The following FHIT variants were observed in gnomAD, a reference collection of about 807,000 sequenced individuals.
The protein encoded by FHIT is fragile histidine triad diadenosine triphosphatase, also known as bis(5'-adenosyl)-triphosphatase.
A neutral mutation model predicts 17.9 loss-of-function variants in FHIT; 19 were observed. That is an observed-to-expected ratio of 1.06 (90% CI 0.74 to 1.56). The LOEUF (loss-of-function observed/expected upper bound fraction) is 1.56. Among genes scored for constraint, FHIT ranks in the 40% most tolerant of loss-of-function variants. FHIT has a pLI of 0.00. For missense variants in FHIT, 248 were observed against 189.2 expected (o/e 1.31, Z -1.82); for synonymous variants, 81 against 69.7 (o/e 1.16, Z -0.81).
At chr3:60,926,827 G>GA (rs1460998395) in intron 3 of FHIT, among the ~76,000 whole-genome samples, 1 of 152,086 alleles carries the variant, frequency 6.6e-6, no homozygotes, top group Non-Finnish European at 1.5e-5. Flanking sequence ...TAAAGAAGAA[G>GA]AGAGAGAAGA....
intron 5 of FHIT, among the ~76,000 whole-genome samples, chr3:60,529,947 A>G (rs1040286990): frequency 1.9e-5 from 2 of 106,076 alleles, no homozygotes; most frequent in Non-Finnish European, 4.2e-5. Context: ...GTAAAGATAC[A>G]CATTTCTGGT....
chr3:59,879,922 C>G (rs1703332501), intron 8 of FHIT, among the ~76,000 whole-genome samples: 1 of 110,562 alleles, frequency 9.0e-6, no homozygotes. Context: ...TTCCCCCACC[C>G]CCCCCCCCCC....
At chr3:59,948,211 A>G (rs557466669) in intron 7 of FHIT, among the ~76,000 whole-genome samples, 1 of 152,064 alleles carries the variant, frequency 6.6e-6, no homozygotes, top group Non-Finnish European at 1.5e-5. Flanking sequence ...TTTGGTTTTT[A>G]AGAAATCACT....
At chr3:60,317,920 A>G (rs1189281002) in intron 5 of FHIT, among the ~76,000 whole-genome samples, 2 of 151,720 alleles carry the variant, frequency 1.3e-5, no homozygotes, top group African/African-American at 4.8e-5. Context: ...CCTCCCTAGT[A>G]GCTGGGACTA....
intron 5 of FHIT, among the ~76,000 whole-genome samples, chr3:60,234,888 T>G (rs760426806): frequency 6.6e-5 from 10 of 152,134 alleles, no homozygotes; most frequent in Non-Finnish European, 1.3e-4. Flanking sequence ...AGATGTTGTT[T>G]AATAATGATG....
intron 4 of FHIT, among the ~76,000 whole-genome samples, chr3:60,548,214 A>G (rs1290665782): frequency 1.8e-4 from 28 of 152,092 alleles, no homozygotes; most frequent in Admixed American, 1.8e-3. Context: ...ACTTGGGAAT[A>G]TAAGACTTCA....
chr3:59,909,207 T>C (rs1704743826), intron 8 of FHIT, among the ~76,000 whole-genome samples: 1 of 151,948 alleles, frequency 6.6e-6, no homozygotes, highest in Admixed American at 6.6e-5. Context: ...TAATTTTTTG[T>C]ATTTTTAGTA....
intron 4 of FHIT, among the ~76,000 whole-genome samples, chr3:60,555,485 G>C (rs1359436340): frequency 6.6e-6 from 1 of 152,124 alleles, no homozygotes; most frequent in Non-Finnish European, 1.5e-5. Flanking sequence ...CTCCATTCAA[G>C]GTAATTTTGC....
chr3:60,350,083 A>G (rs530813574), intron 5 of FHIT, among the ~76,000 whole-genome samples: 55 of 152,314 alleles, frequency 3.6e-4, no homozygotes, highest in African/African-American at 1.3e-3. Flanking sequence ...GTTCTGCAGA[A>G]ATAAAATTAA....
intron 2 of FHIT, among the ~76,000 whole-genome samples, chr3:61,137,795 C>G (rs908328227): frequency 2.6e-5 from 4 of 152,194 alleles, no homozygotes; most frequent in African/African-American, 9.6e-5. Context: ...AGAAAGCCTA[C>G]AGAATCAAGG....
At chr3:60,375,291 G>C (rs1033684531) in intron 5 of FHIT, among the ~76,000 whole-genome samples, 7 of 151,902 alleles carry the variant, frequency 4.6e-5, no homozygotes, top group Non-Finnish European at 8.8e-5. Flanking sequence ...AGTATAGCCT[G>C]GGTGTGGTGG....
intron 5 of FHIT, among the ~76,000 whole-genome samples, chr3:60,199,215 G>A (rs1313922967): frequency 6.6e-6 from 1 of 152,144 alleles, no homozygotes; most frequent in Non-Finnish European, 1.5e-5. Context: ...GAGGAACAAT[G>A]AACTAGTAGA....
chr3:60,203,946 G>C (rs1703035973), intron 5 of FHIT, among the ~76,000 whole-genome samples: 1 of 152,104 alleles, frequency 6.6e-6, no homozygotes, highest in South Asian at 2.1e-4. Context: ...GGCTGGGAAG[G>C]GTCATGGGGA....
chr3:61,044,261 G>C (rs886824155), intron 2 of FHIT, among the ~76,000 whole-genome samples: 1 of 152,150 alleles, frequency 6.6e-6, no homozygotes, highest in Non-Finnish European at 1.5e-5. Flanking sequence ...TGGCTAACTA[G>C]AATAACCAGT....
intron 3 of FHIT, among the ~76,000 whole-genome samples, chr3:60,991,165 A>G (rs1325703330): frequency 6.6e-6 from 1 of 152,208 alleles, no homozygotes; most frequent in Admixed American, 6.5e-5. Context: ...TTGAATTACA[A>G]GAAGGAATCA....
In FHIT at chr3:59,985,556, A is replaced by T. The variant is rs117658911; in HGVS notation, c.279+25815T>A. On this transcript the variant is annotated intron_variant, in intron 7 of 9. Coordinates refer to ENST00000492590, the MANE Select transcript of FHIT (RefSeq NM_002012.4). Reference sequence around the variant, plus strand: ...TTAGAATTTGCTAAAAGGTAATTTTATCTGTGCTGATTATCTTTACCATTT... The same window carrying T: ...TTAGAATTTGCTAAAAGGTAATTTTTTCTGTGCTGATTATCTTTACCATTT... Among the ~76,000 whole-genome samples the T allele has an allele frequency of 1.1e-4, 17 of 152,274 alleles. No homozygotes were observed. In the East Asian group the frequency reaches 3.3e-3, roughly 29 times the overall value.
intron 8 of FHIT, among the ~76,000 whole-genome samples, chr3:59,872,850 G>GT (rs1440762784): frequency 6.6e-6 from 1 of 152,176 alleles, no homozygotes; most frequent in Non-Finnish European, 1.5e-5. Flanking sequence ...CTAGCTCCTT[G>GT]TTGGGGGCTC....
Position 60,957,340 on chromosome 3 carries a change from C to T in FHIT, c.-111+84707G>A, listed in dbSNP as rs186203038. 6.7e-4 allele frequency among the ~76,000 whole-genome samples: 100 copies of T among 149,316 alleles called. 1 individual carries two copies. Among genetic ancestry groups the T allele is most frequent in the Non-Finnish European group, 1.1e-3 (74 of 67,640 alleles). On this transcript the variant is annotated intron_variant, in intron 3 of 9. Coordinates refer to ENST00000492590, the MANE Select transcript of FHIT (RefSeq NM_002012.4). ...GCAACCTCCGCCTCCCGGGTTCAAG[C>T]GATTCTCCTGCCTCAGCCTCCTGAG...
chr3:60,984,300 G>T (rs1322290015), intron 3 of FHIT, among the ~76,000 whole-genome samples: 1 of 152,162 alleles, frequency 6.6e-6, no homozygotes, highest in Non-Finnish European at 1.5e-5. Context: ...TTTCATTGTG[G>T]TGTTATAAGG....
Sources: allele counts gnomAD v4.1 joint callset (sites outside exome capture counted in the v4.1 genomes callset), GRCh38; gene constraint gnomAD v4.1.1; transcripts MANE v1.5; gene names NCBI Gene and HGNC (gene_info 2026-07-23, HGNC 2026-07-21).